The following ITM2C variants were observed in gnomAD, a reference collection of about 807,000 sequenced individuals.
ITM2C encodes integral membrane protein 2C, also known as BRICHOS domain containing 2C.
Under a neutral mutation model 30.0 loss-of-function variants are expected in ITM2C, and 20 were observed. The ratio of observed to expected loss-of-function variants is 0.67; its 90% confidence interval spans 0.47 to 0.97. The LOEUF (loss-of-function observed/expected upper bound fraction) is 0.97, where lower values mean the gene tolerates loss of function less well. Ranked by LOEUF, ITM2C falls within the 50% of genes least tolerant of loss-of-function variation. The pLI, the probability that ITM2C is intolerant of heterozygous loss-of-function variation, is 0.00. For synonymous variants in ITM2C, 167 were observed against 156.4 expected (o/e 1.07, Z -0.51); for missense variants, 366 against 371.9 (o/e 0.98, Z 0.13).
In ITM2C at chr2:230,865,097, G is replaced by C. The variant is rs369688162; in HGVS notation, c.72G>C (p.Ser24=). The C allele has an allele frequency of 8.7e-5, 132 of 1,522,084 alleles. No homozygotes were observed. The highest frequency in any genetic ancestry group is 1.7e-4 in the Middle Eastern group (1 of 5,862). 94.3% of individuals were successfully genotyped at this position (1,522,084 alleles called of 1,614,324 possible). A position where few individuals can be genotyped will look rare whatever the true frequency, so the allele number is the denominator to read the frequency against. The change falls in exon 1 of 6, where the codon TCG becomes TCC. Residue 24 remains serine, a synonymous_variant. Transcript: ENST00000326427. The surrounding 1 kb of genome is among the most constrained non-coding windows in gnomAD (Gnocchi z 6.8). ...ACAAGGCTGACAAGGCGTCGGCGTC[G>C]GCCCCTGCGCCGGCCTCGGCCACCG... ...KGDKADKASA[S]APAPASATEI...
chr2:230,865,295 C>A lies in ITM2C; in HGVS notation c.120+150C>A. The A allele has an allele frequency of 2.4e-6, 2 of 826,500 alleles. No homozygotes were observed. The highest frequency in any genetic ancestry group is 3.3e-6 in the Non-Finnish European group (2 of 611,028). 51.2% of individuals were successfully genotyped at this position (826,500 alleles called of 1,614,324 possible). On this transcript the variant is annotated intron_variant, in intron 1 of 5. Transcript: ENST00000326427. This position sits in a 1 kb window ranked among gnomAD's most constrained non-coding sequence, Gnocchi z 6.8. ...TGGGAAGTCTCGAATGGTTGCTTAT[C>A]CCAGAATGAGGAGGGGGCTTAAGTC...
At chr2:230,868,519 G>A (rs1697088199) in intron 1 of ITM2C, among the ~76,000 whole-genome samples, 1 of 152,132 alleles carries the variant, frequency 6.6e-6, no homozygotes, top group Admixed American at 6.5e-5. Flanking sequence ...ATGTGGGCAT[G>A]TAGAGGCTCA....
At chr2:230,869,827 G>A (rs1286470934) in intron 1 of ITM2C, among the ~76,000 whole-genome samples, 1 of 152,108 alleles carries the variant, frequency 6.6e-6, no homozygotes, top group African/African-American at 2.4e-5. Context: ...TAAGCCTGCA[G>A]GGAGAGGCCC....
chr2:230,875,359 G>C (rs1286843239), intron 2 of ITM2C, among the ~76,000 whole-genome samples: 1 of 152,176 alleles, frequency 6.6e-6, no homozygotes, highest in Non-Finnish European at 1.5e-5. Flanking sequence ...GGCAGACCCA[G>C]CTCATCCTCC....
chr2:230,865,021 C>T lies in ITM2C; in HGVS notation c.-5C>T. ...TGCGGGGCGGACGCGCGGGCCGGCG[C>T]AGCCATGGTGAAGATTAGCTTCCAG... On this transcript the variant is annotated 5_prime_UTR_variant, in exon 1 of 6. Coordinates refer to ENST00000326427, the MANE Select transcript of ITM2C (RefSeq NM_030926.6). The surrounding 1 kb of genome is among the most constrained non-coding windows in gnomAD (Gnocchi z 6.8). The T allele has an allele frequency of 6.7e-7, 1 of 1,497,772 alleles. No individual in the cohort carries two copies. The highest frequency in any genetic ancestry group is 9.0e-7 in the Non-Finnish European group (1 of 1,115,612). The allele number at this position is 1,497,772 out of a possible 1,614,324, so 92.8% of individuals were successfully genotyped here. A position where few individuals can be genotyped will look rare whatever the true frequency, so the allele number is the denominator to read the frequency against.
intron 1 of ITM2C, among the ~76,000 whole-genome samples, chr2:230,870,357 A>G (rs1273083144): frequency 6.6e-6 from 1 of 152,186 alleles, no homozygotes; most frequent in Admixed American, 6.5e-5. Context: ...TTTCCTGTCT[A>G]CTTTCTGGTA....
intron 1 of ITM2C, among the ~76,000 whole-genome samples, chr2:230,868,770 G>T (rs1574590161): frequency 6.6e-6 from 1 of 152,188 alleles, no homozygotes; most frequent in Non-Finnish European, 1.5e-5. Context: ...GGCAAATCTG[G>T]CCAGCTTAGC....
intron 3 of ITM2C, 27 bp downstream of exon 3, chr2:230,875,835 GGGGGTGGGAGGGTGT>G: frequency 5.1e-6 from 2 of 395,788 alleles, no homozygotes; most frequent in Non-Finnish European, 1.0e-5. Context: ...CCTGGGGGTG[GGGGGTGGGAGGGTGT>G]CCCGGGGACT....
chr2:230,870,469 C>T (rs1285178338), intron 1 of ITM2C, among the ~76,000 whole-genome samples: 2 of 152,202 alleles, frequency 1.3e-5, no homozygotes. Context: ...GTGGCTGAGC[C>T]CGGGTGTGTG....
At chr2:230,864,217 A>G (rs141137633), upstream of ITM2C, among the ~76,000 whole-genome samples, 1 of 152,232 alleles carries the variant, frequency 6.6e-6, no homozygotes, top group African/African-American at 2.4e-5. The surrounding 1 kb of genome is among the most constrained non-coding windows in gnomAD (Gnocchi z 4.3). Flanking sequence ...TGAGTGAGAC[A>G]AGGGCAGTTC....
At chr2:230,873,623 G>A in intron 2 of ITM2C, 66 bp downstream of exon 2, 1 of 1,477,794 alleles carries the variant, frequency 6.8e-7, no homozygotes, top group Non-Finnish European at 9.1e-7. Context: ...GGCATGGAGG[G>A]AAGTGTCTGC....
At chr2:230,870,027 C>T (rs1264041519) in intron 1 of ITM2C, among the ~76,000 whole-genome samples, 16 of 152,232 alleles carry the variant, frequency 1.1e-4, no homozygotes, top group Admixed American at 2.6e-4. Flanking sequence ...ATAGGTGGTG[C>T]GGCTGGGGTC....
intron 2 of ITM2C, among the ~76,000 whole-genome samples, chr2:230,874,653 G>A (rs755664621): frequency 3.3e-5 from 5 of 152,162 alleles, no homozygotes; most frequent in Non-Finnish European, 7.3e-5. Context: ...TCTCATCCCC[G>A]CACAGCCCAC....
chr2:230,864,737 T>C (rs933350091), upstream of ITM2C: 23 of 182,928 alleles, frequency 1.3e-4, no homozygotes, highest in Non-Finnish European at 2.5e-4. This position sits in a 1 kb window ranked among gnomAD's most constrained non-coding sequence, Gnocchi z 4.3. Context: ...AGCGAGCGAG[T>C]GAGTGACTGT....
Position 230,875,666 on chromosome 2 carries a change from C to T in ITM2C, c.308C>T (p.Ser103Phe). The stretch of plus-strand genomic sequence containing the variant: ...CGCTGTGGTGTGCTGTATGAGGACT[C>T]CCTGTCCTCCCAGGTCCGGACTCAG... ...FFRCGVLYED[S>F]LSSQVRTQME... The change falls in exon 3 of 6, where the codon TCC (serine) becomes TTC (phenylalanine). Residue 103 changes from serine (S) to phenylalanine (F), a missense_variant. By Grantham distance (155) the Ser-to-Phe change is radical (BLOSUM62 -2). Transcript: ENST00000326427. 1.2e-6 allele frequency: 2 copies of T among 1,613,382 alleles called. No homozygotes were observed. The highest frequency in any genetic ancestry group is 2.2e-5 in the East Asian group (1 of 44,870).
Position 230,877,949 on chromosome 2 carries a change from T to TG in ITM2C, c.713-57dup. 7.3e-7 allele frequency: 1 copy of TG among 1,368,134 alleles called. No homozygotes were observed. The highest frequency in any genetic ancestry group is 1.2e-5 in the South Asian group (1 of 85,000). The allele number at this position is 1,368,134 out of a possible 1,614,324, so 84.7% of individuals were successfully genotyped here. A position where few individuals can be genotyped will look rare whatever the true frequency, so the allele number is the denominator to read the frequency against. ...CTCCTGTGGCTCAGGCTGAGGCTGG[T>TG]GGTCTTTGTGACTCAGCCAGGATGC... On this transcript the variant is annotated intron_variant, in intron 5 of 5. Transcript: ENST00000326427. This position sits in a 1 kb window ranked among gnomAD's most constrained non-coding sequence, Gnocchi z 4.8.
At position 230,864,998 on chromosome 2, in the gene ITM2C, C is replaced by A; in HGVS notation, c.-28C>A. The stretch of plus-strand genomic sequence containing the variant: ...ACCGAGGCTGCACCGGCAGAGGCTG[C>A]GGGGCGGACGCGCGGGCCGGCGCAG... On this transcript the variant is annotated 5_prime_UTR_variant, in exon 1 of 6. Coordinates refer to ENST00000326427, the MANE Select transcript of ITM2C (RefSeq NM_030926.6). This position sits in a 1 kb window ranked among gnomAD's most constrained non-coding sequence, Gnocchi z 4.3. 1 of 1,446,534 alleles carries A rather than the reference C, an allele frequency of 6.9e-7. No homozygotes were observed. The allele number at this position is 1,446,534 out of a possible 1,614,324, so 89.6% of individuals were successfully genotyped here.
rs1697017656 is a variant in ITM2C at position 230,865,956 on chromosome 2, T to TTCCCCCCCCCCTGTCGCCCCCC, written c.120+817_120+818insCCCCCTGTCGCCCCCCTCCCCC. Among the ~76,000 whole-genome samples, 17 of 150,434 alleles carry TTCCCCCCCCCCTGTCGCCCCCC rather than the reference T, an allele frequency of 1.1e-4. No homozygotes were observed. The highest frequency in any genetic ancestry group is 3.0e-4 in the African/African-American group (12 of 40,298). On this transcript the variant is annotated intron_variant, in intron 1 of 5. Transcript: ENST00000326427. The surrounding 1 kb of genome is among the most constrained non-coding windows in gnomAD (Gnocchi z 6.8). The stretch of plus-strand genomic sequence containing the variant: ...CCTGGGTCCCCGGGCTCTGTGCGCG[T>TTCCCCCCCCCCTGTCGCCCCCC]TCCCCCACCCCTGTCATCCCCCTCC...
intron 2 of ITM2C, 131 bp downstream of exon 2, chr2:230,873,688 C>T: frequency 1.1e-6 from 1 of 887,234 alleles, no homozygotes; most frequent in Non-Finnish European, 1.6e-6. Flanking sequence ...AGTGCCCGGC[C>T]AGCCCACAAG....
Sources: allele counts gnomAD v4.1 joint callset (sites outside exome capture counted in the v4.1 genomes callset), GRCh38; gene constraint gnomAD v4.1.1; non-coding constraint Gnocchi (gnomAD v3.1); transcripts MANE v1.5; gene names NCBI Gene and HGNC (gene_info 2026-07-23, HGNC 2026-07-21).